The following MDN1 variants were observed in gnomAD, a reference collection of about 807,000 sequenced individuals.
The protein encoded by MDN1 is midasin AAA ATPase 1.
A neutral mutation model predicts 669.2 loss-of-function variants in MDN1; 266 were observed. That is an observed-to-expected ratio of 0.40 (90% CI 0.36 to 0.44). The LOEUF (loss-of-function observed/expected upper bound fraction) is 0.44, where lower values mean the gene tolerates loss of function less well. Ranked by LOEUF, MDN1 falls within the 20% of genes least tolerant of loss-of-function variation. The pLI, the probability that MDN1 is intolerant of heterozygous loss-of-function variation, is 1.00. For synonymous variants in MDN1, 2,385 were observed against 2,457.1 expected (o/e 0.97, Z 0.87); for missense variants, 5,940 against 6,754.0 (o/e 0.88, Z 4.22).
intron 64 of MDN1, 134 bp from the exon 65 acceptor site, chr6:89,690,277 T>C: frequency 1.0e-6 from 1 of 996,680 alleles, no homozygotes. Flanking sequence ...TAAAATATAT[T>C]TTAAAAGACT....
intron 33 of MDN1, among the ~76,000 whole-genome samples, chr6:89,734,319 G>A (rs1394823129): frequency 1.3e-5 from 2 of 151,554 alleles, no homozygotes; most frequent in Non-Finnish European, 2.9e-5. Context: ...CACAAACAAT[G>A]TTCCATGTCA....
chr6:89,692,530 C>G lies in MDN1; in HGVS notation c.10500G>C (p.Met3500Ile). The stretch of plus-strand genomic sequence containing the variant: ...GGGAGCGCAGGTAAAGGAGAGCATT[C>G]ATCAGCAGCTGCTCCCGAGTGGGAC... Reference protein sequence around the residue: ...KACPTREQLLMNALLYLRSHV... With the variant: ...KACPTREQLLINALLYLRSHV... The change falls in exon 63 of 102, where the codon ATG becomes ATC. Residue 3500 changes from methionine to isoleucine, a missense_variant. Physicochemically the swap from Met to Ile is conservative, Grantham distance 10. Transcript: ENST00000369393. The G allele has an allele frequency of 1.2e-6, 2 of 1,614,248 alleles. No homozygotes were observed. The highest frequency in any genetic ancestry group is 1.7e-6 in the Non-Finnish European group (2 of 1,180,046).
Position 89,652,946 on chromosome 6 carries a change from A to T in MDN1, c.15825+46T>A, listed in dbSNP as rs757517684. Reference sequence around the variant, plus strand: ...AACCAGTTTAAAATTTTATTTTGTTAATTTATTAACACTATATTAATGCAG... The same window carrying T: ...AACCAGTTTAAAATTTTATTTTGTTTATTTATTAACACTATATTAATGCAG... On this transcript the variant is annotated intron_variant, in intron 94 of 101. Transcript: ENST00000369393. 6 of 1,546,080 alleles carry T rather than the reference A, an allele frequency of 3.9e-6. No homozygotes were observed. The East Asian group carries it at 6.8e-5, about 17-fold the overall frequency.
In MDN1 at chr6:89,768,533, A is replaced by C. The variant is rs144428388; in HGVS notation, c.2144+3028T>G. ...TGTCTTTATCAGCAGTGTGAGAACAAATGAATACACTGGGCAACAGAGTGT... is the reference window on the plus strand; with the variant it reads ...TGTCTTTATCAGCAGTGTGAGAACACATGAATACACTGGGCAACAGAGTGT... On this transcript the variant is annotated intron_variant, in intron 15 of 101. Transcript: ENST00000369393. Among the ~76,000 whole-genome samples the C allele has an allele frequency of 3.9e-5, 6 of 152,240 alleles. No individual in the cohort carries two copies. In the East Asian group the frequency reaches 1.2e-3, roughly 29 times the overall value.
chr6:89,762,416 C>A lies in MDN1; in HGVS notation c.2259G>T (p.Gln753His). ...GCCACCGTTTCTGTCTGTAACAGGT[C>A]TGAATGTGCCCCAAGAACGTAAAGT... is the stretch of plus-strand genomic sequence containing the variant. ...KQNFTFLGHI[Q>H]TCYRQKRWHD... Residue 753 changes from glutamine to histidine, a missense_variant, in exon 16 of 102, where the codon CAG becomes CAT. Transcript: ENST00000369393. The A allele has an allele frequency of 1.2e-6, 2 of 1,614,082 alleles. No homozygotes were observed.
At chr6:89,810,692 C>T (rs1768356791) in intron 1 of MDN1, among the ~76,000 whole-genome samples, 1 of 151,190 alleles carries the variant, frequency 6.6e-6, no homozygotes. Flanking sequence ...ATGTCTTTCT[C>T]TCCTCATAAG....
chr6:89,781,288 T>C (rs898733390), intron 10 of MDN1, 111 bp downstream of exon 10: 21 of 1,009,962 alleles, frequency 2.1e-5, no homozygotes, highest in East Asian at 9.8e-5. Flanking sequence ...GAGGCGGAGG[T>C]TGGAGTGAGC....
intron 67 of MDN1, among the ~76,000 whole-genome samples, chr6:89,687,860 G>A (rs946589861): frequency 2.0e-5 from 3 of 152,182 alleles, no homozygotes; most frequent in Admixed American, 6.5e-5. Flanking sequence ...ATTACCGGTA[G>A]ATACTGCATC....
intron 1 of MDN1, among the ~76,000 whole-genome samples, chr6:89,810,678 CT>C (rs1768355238): frequency 6.6e-6 from 1 of 152,068 alleles, no homozygotes; most frequent in Non-Finnish European, 1.5e-5. Flanking sequence ...GCCATCTTCC[CT>C]TTATGTCTTT....
Position 89,710,867 on chromosome 6 carries a change from A to G in MDN1, c.7652-73T>C, listed in dbSNP as rs949676601. 8 of 842,074 alleles carry G rather than the reference A, an allele frequency of 9.5e-6. No homozygotes were observed. The African/African-American group carries it at 1.4e-4, about 15-fold the overall frequency. 52.2% of individuals were successfully genotyped at this position (842,074 alleles called of 1,614,324 possible). Reference sequence around the variant, plus strand: ...CAATTGAACGTTCTGCAGTGATGAAAATGTTCTACAGCTGCATAGAATAAC... The same window carrying G: ...CAATTGAACGTTCTGCAGTGATGAAGATGTTCTACAGCTGCATAGAATAAC... On this transcript the variant is annotated intron_variant, in intron 49 of 101. Transcript: ENST00000369393.
intron 1 of MDN1, among the ~76,000 whole-genome samples, chr6:89,819,182 C>T (rs910192208): frequency 6.6e-6 from 1 of 152,204 alleles, no homozygotes; most frequent in African/African-American, 2.4e-5. Context: ...GGCAGAAACG[C>T]AACCTCAATT....
At position 89,750,334 on chromosome 6, in the gene MDN1, G is replaced by A. The variant is rs1332122007; in HGVS notation, c.3406+20C>T. The stretch of plus-strand genomic sequence containing the variant: ...GAAAGAATAAACACCTATGTCCATG[G>A]AATGGAATCTTAACCCTACCTTCCT... On this transcript the variant is annotated intron_variant, in intron 24 of 101. Transcript: ENST00000369393. 6.3e-7 allele frequency: 1 copy of A among 1,583,118 alleles called. No homozygotes were observed. The highest frequency in any genetic ancestry group is 8.7e-7 in the Non-Finnish European group (1 of 1,154,372).
rs1815145883 is a variant in MDN1 at position 89,725,340 on chromosome 6, T to C, written c.5529A>G (p.Arg1843=). 6.2e-7 allele frequency: 1 copy of C among 1,614,038 alleles called. No individual in the cohort carries two copies. The highest frequency in any genetic ancestry group is 8.5e-7 in the Non-Finnish European group (1 of 1,179,976). ...LEGLNACFDH[R]GEIYVPELGM... ...CTAACTCAGGCACATAGATTTCTCCTCGGTGGTCAAAACAAGCATTGAGTC... is the reference window on the plus strand; with the variant it reads ...CTAACTCAGGCACATAGATTTCTCCCCGGTGGTCAAAACAAGCATTGAGTC... The change falls in exon 38 of 102, where the codon CGA becomes CGG. Residue 1843 remains arginine, a synonymous_variant. Transcript: ENST00000369393.
In MDN1 at chr6:89,662,947, C is replaced by G. The variant is rs1254910587; in HGVS notation, c.14257G>C (p.Asp4753His). 1 of 1,614,018 alleles carries G rather than the reference C, an allele frequency of 6.2e-7. No homozygotes were observed. Among genetic ancestry groups the G allele is most frequent in the Non-Finnish European group, 8.5e-7 (1 of 1,180,022 alleles). The change falls in exon 86 of 102, where the codon GAT becomes CAT. Residue 4753 changes from aspartate to histidine, a missense_variant. By Grantham distance (81) the Asp-to-His change is moderately conservative. Around this residue, in one of 5 missense-constraint regions of MDN1, gnomAD observed 2,280 missense variants for 2,576.3 expected, o/e 0.88. Transcript: ENST00000369393. ...TTATCCAGGTCTCCGCCCTCACTAT[C>G]TGATTTCTCATCATCCTCTTCTGAA... ...EEQEEDDEKS[D>H]SEGGDLDKHM...
chr6:89,761,494 A>G (rs575171278), intron 17 of MDN1, 151 bp downstream of exon 17: 2 of 504,430 alleles, frequency 4.0e-6, no homozygotes, highest in Admixed American at 3.8e-5. Flanking sequence ...TTAAGATCTT[A>G]TAATTGCCAT....
At position 89,718,418 on chromosome 6, in the gene MDN1, C is replaced by A. The variant is rs1406657012; in HGVS notation, c.6531G>T (p.Val2177=). Residue 2177 remains valine (V), a synonymous_variant, in exon 43 of 102, where the codon GTG becomes GTT. Coordinates refer to ENST00000369393, the MANE Select transcript of MDN1 (RefSeq NM_014611.3). ...TMEIVNKLEA[V]LLLMQRLNNK... The stretch of plus-strand genomic sequence containing the variant: ...TGTTGAGTCGCTGCATAAGCAATAA[C>A]ACTGCTTCTAGTTTGTTGACAATCT... 2 of 1,613,832 alleles carry A rather than the reference C, an allele frequency of 1.2e-6. No individual in the cohort carries two copies. The highest frequency in any genetic ancestry group is 2.7e-5 in the African/African-American group (2 of 74,906).
intron 33 of MDN1, 43 bp downstream of exon 33, chr6:89,738,283 C>T (rs747232159): frequency 7.5e-6 from 12 of 1,605,752 alleles, no homozygotes; most frequent in Non-Finnish European, 1.0e-5. Flanking sequence ...AACACAAACC[C>T]TTCTATGACC....
At position 89,648,040 on chromosome 6, in the gene MDN1, T is replaced by A. The variant is rs1386846786; in HGVS notation, c.16387A>T (p.Ile5463Phe). The change falls in exon 99 of 102, where the codon ATT becomes TTT. Residue 5463 changes from isoleucine (I) to phenylalanine (F), a missense_variant. Coordinates refer to ENST00000369393, the MANE Select transcript of MDN1 (RefSeq NM_014611.3). ...LCKFQQKKTK[I>F]AQFLESVANM... ...TTATTTCATCCTCTTACCTGAGCAA[T>A]CTTGGTTTTCTTTTGTTGGAATTTG... The A allele has an allele frequency of 6.2e-7, 1 of 1,610,460 alleles. No homozygotes were observed. The highest frequency in any genetic ancestry group is 1.3e-5 in the African/African-American group (1 of 74,972).
At chr6:89,706,223 T>A in intron 52 of MDN1, 31 bp from the exon 53 acceptor site, 1 of 1,587,672 alleles carries the variant, frequency 6.3e-7, no homozygotes, top group Non-Finnish European at 8.6e-7. Flanking sequence ...AATGAGAACA[T>A]TTCATCAGAT....
Sources: allele counts gnomAD v4.1 joint callset (sites outside exome capture counted in the v4.1 genomes callset), GRCh38; gene constraint gnomAD v4.1.1; regional missense constraint gnomAD v4.1.1; transcripts MANE v1.5; gene names NCBI Gene and HGNC (gene_info 2026-07-23, HGNC 2026-07-21).